The following STAG1 variants were observed in gnomAD, a reference collection of about 807,000 sequenced individuals.
STAG1 encodes cohesin subunit SA-1.
A neutral mutation model predicts 170.9 loss-of-function variants in STAG1; 26 were observed. That is an observed-to-expected ratio of 0.15 (90% CI 0.11 to 0.21). The LOEUF (loss-of-function observed/expected upper bound fraction) is 0.21. STAG1 is among the 10% of genes least tolerant of loss of function. The pLI is 1.00. For synonymous variants in STAG1, 514 were observed against 497.7 expected, an observed-to-expected ratio of 1.03 and a Z score of -0.44; for missense variants, 964 against 1,509.5, an observed-to-expected ratio of 0.64 and a Z score of 5.99.
At chr3:136,553,037 A>C (rs556504144) in intron 5 of STAG1, among the ~76,000 whole-genome samples, 1 of 152,324 alleles carries the variant, frequency 6.6e-6, no homozygotes, top group East Asian at 1.9e-4. Flanking sequence ...CAAAGACTTA[A>C]AATACTAGAA....
chr3:136,347,066 G>A (rs1234870015), intron 29 of STAG1, among the ~76,000 whole-genome samples: 2 of 148,380 alleles, frequency 1.3e-5, no homozygotes, highest in East Asian at 2.0e-4. Flanking sequence ...GCGACAGAGT[G>A]AGACCCTGTC....
intron 7 of STAG1, among the ~76,000 whole-genome samples, chr3:136,520,638 A>C (rs1223775820): frequency 6.6e-6 from 1 of 152,158 alleles, no homozygotes; most frequent in Non-Finnish European, 1.5e-5. Flanking sequence ...TGATAATTCT[A>C]AAAGAAAGCA....
intron 1 of STAG1, among the ~76,000 whole-genome samples, chr3:136,656,278 G>A (rs1003172769): frequency 7.2e-5 from 11 of 152,110 alleles, no homozygotes; most frequent in Non-Finnish European, 2.9e-5. Context: ...GGGGTTGGGG[G>A]CACTGAAGGG....
At chr3:136,686,797 G>A (rs1232679645) in intron 1 of STAG1, among the ~76,000 whole-genome samples, 2 of 152,124 alleles carry the variant, frequency 1.3e-5, no homozygotes, top group African/African-American at 4.8e-5. Flanking sequence ...TGTGTAGTAA[G>A]TAGAGGCAGC....
In STAG1 at chr3:136,420,619, C is replaced by G. The variant is rs112869523; in HGVS notation, c.2108+474G>C. On this transcript the variant is annotated intron_variant, in intron 20 of 33. Transcript: ENST00000383202. ...GTTACTGAGATCAGATCTCACTATA[C>G]TGCCCATGCTGAAGTGCAGTGGCTA... Among the ~76,000 whole-genome samples, 5 of 152,312 alleles carry G rather than the reference C, an allele frequency of 3.3e-5. 1 individual carries two copies. Among genetic ancestry groups the G allele is most frequent in the African/African-American group, 1.2e-4 (5 of 41,582 alleles).
At chr3:136,338,300 AATT>A (rs111861599) in intron 33 of STAG1, 23 bp from the exon 34 acceptor site, 135,459 of 1,599,108 alleles carry the variant, frequency 0.085, 6,217 homozygotes, top group Non-Finnish European at 0.095. Flanking sequence ...TGAGAAACAT[AATT>A]ATTAATTTCA....
intron 3 of STAG1, among the ~76,000 whole-genome samples, chr3:136,618,677 C>CTA (rs1939704098): frequency 6.6e-6 from 1 of 152,110 alleles, no homozygotes; most frequent in South Asian, 2.1e-4. Flanking sequence ...AAATCCTGGA[C>CTA]TAGACCCTGA....
intron 26 of STAG1, 149 bp from the exon 27 acceptor site, chr3:136,359,445 C>A (rs1388349817): frequency 7.7e-6 from 4 of 522,646 alleles, no homozygotes; most frequent in South Asian, 4.5e-5. Flanking sequence ...TCCCTTTCTA[C>A]AAATTGTCTA....
intron 1 of STAG1, among the ~76,000 whole-genome samples, chr3:136,720,768 G>A (rs540966973): frequency 6.6e-6 from 1 of 151,698 alleles, no homozygotes; most frequent in Admixed American, 6.6e-5. Flanking sequence ...CAGTCTGGGT[G>A]ACAGAGCAAG....
At chr3:136,385,188 C>T (rs1271134852) in intron 22 of STAG1, among the ~76,000 whole-genome samples, 2 of 152,122 alleles carry the variant, frequency 1.3e-5, no homozygotes, top group Non-Finnish European at 2.9e-5. Flanking sequence ...GCAATTCACA[C>T]CTATAATCCC....
chr3:136,396,520 C>CTTTTTTTTTTTTTTTTTTT (rs146270857), intron 22 of STAG1, among the ~76,000 whole-genome samples: 2 of 43,658 alleles, frequency 4.6e-5, no homozygotes, highest in Non-Finnish European at 7.4e-5. Flanking sequence ...CGCGCCTGGC[C>CTTTTTTTTTTTTTTTTTTT]TTTTTTTTTT....
At position 136,502,424 on chromosome 3, in the gene STAG1, A is replaced by T. The variant is rs546181319; in HGVS notation, c.828+204T>A. On this transcript the variant is annotated intron_variant, in intron 8 of 33. Transcript: ENST00000383202. ...CCAGACCAACTTCTTTCAAAAACAG[A>T]GGTGTTCTATGATTCCTTTCTGCCA... Among the ~76,000 whole-genome samples, 99 of 152,218 alleles carry T rather than the reference A, an allele frequency of 6.5e-4. 1 individual carries two copies. The South Asian group carries it at 0.02, about 31-fold the overall frequency.
intron 1 of STAG1, among the ~76,000 whole-genome samples, chr3:136,653,554 C>T (rs1941284527): frequency 6.6e-6 from 1 of 152,096 alleles, no homozygotes; most frequent in Non-Finnish European, 1.5e-5. Flanking sequence ...ACACTATACA[C>T]ATATTTACTA....
chr3:136,470,537 A>G (rs536183746), intron 12 of STAG1, among the ~76,000 whole-genome samples: 74 of 152,270 alleles, frequency 4.9e-4, no homozygotes, highest in African/African-American at 1.5e-3. Context: ...CACTGTTGGT[A>G]GGACTGTAAA....
At chr3:136,437,546 T>C (rs1156685523) in intron 15 of STAG1, among the ~76,000 whole-genome samples, 1 of 152,222 alleles carries the variant, frequency 6.6e-6, no homozygotes, top group Non-Finnish European at 1.5e-5. Flanking sequence ...CTATTGATTT[T>C]AGTCTTATCA....
chr3:136,498,210 T>TTTATATA (rs1553733338), intron 9 of STAG1, among the ~76,000 whole-genome samples: 1 of 50,870 alleles, frequency 2.0e-5, no homozygotes, highest in Non-Finnish European at 3.0e-5. Flanking sequence ...AAAAAAAAAA[T>TTTATATA]TATATATATA....
intron 1 of STAG1, among the ~76,000 whole-genome samples, chr3:136,650,513 CTAGT>C (rs1490714961): frequency 6.6e-6 from 1 of 152,126 alleles, no homozygotes; most frequent in Non-Finnish European, 1.5e-5. Flanking sequence ...ATCTAAATAA[CTAGT>C]TAGTAACACA....
chr3:136,449,553 C>T (rs1165063981), intron 14 of STAG1, among the ~76,000 whole-genome samples: 1 of 147,980 alleles, frequency 6.8e-6, no homozygotes, highest in African/African-American at 2.5e-5. Context: ...GAGCAAGACT[C>T]TGTCTCAAAA....
intron 1 of STAG1, among the ~76,000 whole-genome samples, chr3:136,713,450 G>T (rs1004515054): frequency 3.9e-5 from 6 of 152,064 alleles, no homozygotes; most frequent in African/African-American, 1.4e-4. Flanking sequence ...GGGCGTGGTG[G>T]TGCATACCTG....
Sources: allele counts gnomAD v4.1 joint callset (sites outside exome capture counted in the v4.1 genomes callset), GRCh38; gene constraint gnomAD v4.1.1; transcripts MANE v1.5; gene names NCBI Gene and HGNC (gene_info 2026-07-23, HGNC 2026-07-21).